ITFG1: variants seen among roughly 807,000 people sequenced by gnomAD.
The protein encoded by ITFG1 is T-cell immunomodulatory protein.
ITFG1 carries 34 observed loss-of-function variants against 81.8 expected under a neutral mutation model. That is an observed-to-expected ratio of 0.42 (90% confidence interval 0.32 to 0.55). ITFG1 has a LOEUF of 0.55. Among genes scored for constraint, ITFG1 ranks in the 20% least tolerant of loss-of-function variants. The pLI is 0.17. For synonymous variants in ITFG1, 285 were observed against 270.6 expected (o/e 1.05, Z -0.52); for missense variants, 672 against 755.4 (o/e 0.89, Z 1.29).
chr16:47,196,607 T>C (rs1965361627), intron 14 of ITFG1: 1 of 152,182 alleles, frequency 6.6e-6, no homozygotes, highest in Non-Finnish European at 1.5e-5. Flanking sequence ...TGCCCACGCT[T>C]TGCTGTACTC....
chr16:47,186,290 G>A (rs1009162825), intron 14 of ITFG1, among the ~76,000 whole-genome samples: 6 of 152,230 alleles, frequency 3.9e-5, no homozygotes, highest in East Asian at 1.9e-4. Context: ...CGCCAAAGCC[G>A]GGCAGAGACA....
intron 13 of ITFG1, among the ~76,000 whole-genome samples, chr16:47,230,396 G>GCTCA (rs1432160332): frequency 6.6e-6 from 1 of 152,166 alleles, no homozygotes; most frequent in Non-Finnish European, 1.5e-5. Context: ...AGGATACTGA[G>GCTCA]GTGAGGAATT....
chr16:47,274,984 C>T (rs1484852662), intron 10 of ITFG1, among the ~76,000 whole-genome samples: 3 of 152,062 alleles, frequency 2.0e-5, no homozygotes, highest in Admixed American at 6.6e-5. Flanking sequence ...ACTCTGTTCA[C>T]TATGGGAAGA....
At chr16:47,179,914 T>C (rs1471405000) in intron 14 of ITFG1, among the ~76,000 whole-genome samples, 1 of 152,232 alleles carries the variant, frequency 6.6e-6, no homozygotes, top group African/African-American at 2.4e-5. Context: ...TGAGTTATGA[T>C]TGTGAATAAA....
chr16:47,359,591 A>G (rs1968083590), intron 8 of ITFG1, among the ~76,000 whole-genome samples: 1 of 152,198 alleles, frequency 6.6e-6, no homozygotes, highest in Non-Finnish European at 1.5e-5. Context: ...AGTCCCCTTG[A>G]AGTTTCCAGT....
intron 6 of ITFG1, among the ~76,000 whole-genome samples, chr16:47,415,145 A>G (rs1018114759): frequency 6.6e-6 from 1 of 152,234 alleles, no homozygotes; most frequent in Non-Finnish European, 1.5e-5. Flanking sequence ...CTCATGATAC[A>G]TATATTCCAT....
chr16:47,252,469 C>T (rs995042444), intron 12 of ITFG1, among the ~76,000 whole-genome samples: 1 of 152,148 alleles, frequency 6.6e-6, no homozygotes, highest in African/African-American at 2.4e-5. Context: ...AGGGTTCATC[C>T]AGGTTTGTTA....
At chr16:47,408,200 G>T (rs1968753819) in intron 6 of ITFG1, among the ~76,000 whole-genome samples, 2 of 152,186 alleles carry the variant, frequency 1.3e-5, no homozygotes, top group Admixed American at 1.3e-4. Context: ...CTAGCACAAT[G>T]CTTGGAAGAG....
chr16:47,200,136 T>C (rs1392986531), intron 14 of ITFG1, among the ~76,000 whole-genome samples: 1 of 152,222 alleles, frequency 6.6e-6, no homozygotes, highest in Non-Finnish European at 1.5e-5. Flanking sequence ...CCCTGGGCTA[T>C]ACCATCTAGT....
At chr16:47,242,728 A>G (rs2151535720) in intron 12 of ITFG1, among the ~76,000 whole-genome samples, 1 of 152,334 alleles carries the variant, frequency 6.6e-6, no homozygotes, top group Non-Finnish European at 1.5e-5. Flanking sequence ...TGTAGGTCGA[A>G]GTAGAAAATT....
intron 14 of ITFG1, among the ~76,000 whole-genome samples, chr16:47,195,168 T>C (rs1199943514): frequency 6.6e-6 from 1 of 152,236 alleles, no homozygotes; most frequent in Admixed American, 6.5e-5. Context: ...CTTACCCTTA[T>C]TTAACCTCAT....
chr16:47,292,440 G>C lies in ITFG1; in HGVS notation c.1070+18800C>G, dbSNP rs374656633. 1.3e-4 allele frequency among the ~76,000 whole-genome samples: 20 copies of C among 152,284 alleles called. No homozygotes were observed. In the South Asian group the frequency reaches 4.1e-3, roughly 32 times the overall value. On this transcript the variant is annotated intron_variant, in intron 10 of 17. Transcript: ENST00000320640. ...AAAGACTTTAGAGTTTCATTTTATT[G>C]TGCCAGTTGGGAATAGTGTGGTGAT...
chr16:47,223,339 G>A (rs1965716660), intron 13 of ITFG1, among the ~76,000 whole-genome samples: 1 of 152,112 alleles, frequency 6.6e-6, no homozygotes, highest in South Asian at 2.1e-4. Context: ...CTACTCATCT[G>A]ACAAAGGGCT....
chr16:47,270,601 A>G (rs1483289401), intron 10 of ITFG1, among the ~76,000 whole-genome samples: 2 of 152,238 alleles, frequency 1.3e-5, no homozygotes, highest in South Asian at 4.1e-4. Flanking sequence ...TAACTTGTAC[A>G]TGAATGTTCA....
chr16:47,236,218 G>A (rs544741828), intron 13 of ITFG1, among the ~76,000 whole-genome samples: 1 of 152,282 alleles, frequency 6.6e-6, no homozygotes, highest in African/African-American at 2.4e-5. Flanking sequence ...GCTCATGCCT[G>A]TAATCCCAGC....
intron 14 of ITFG1, among the ~76,000 whole-genome samples, chr16:47,176,917 G>A (rs1240135869): frequency 1.3e-5 from 2 of 149,854 alleles, no homozygotes; most frequent in African/African-American, 4.9e-5. Context: ...TAGTCTAATT[G>A]CATTGCTAAG....
At chr16:47,286,274 T>C (rs935970961) in intron 10 of ITFG1, among the ~76,000 whole-genome samples, 3 of 152,164 alleles carry the variant, frequency 2.0e-5, no homozygotes, top group African/African-American at 7.2e-5. Context: ...GCTGGGACTT[T>C]AACTGCCCCG....
intron 8 of ITFG1, chr16:47,365,477 C>T (rs1272546356): frequency 7.8e-6 from 2 of 256,226 alleles, no homozygotes; most frequent in African/African-American, 2.2e-5. Context: ...GTTGTATATA[C>T]GTGAAGAATT....
intron 5 of ITFG1, among the ~76,000 whole-genome samples, chr16:47,445,540 T>C (rs372672869): frequency 2.0e-5 from 3 of 152,176 alleles, no homozygotes; most frequent in African/African-American, 7.2e-5. Context: ...GGCTAGCACA[T>C]TGTGTTTTCA....
Sources: allele counts gnomAD v4.1 joint callset (sites outside exome capture counted in the v4.1 genomes callset), GRCh38; gene constraint gnomAD v4.1.1; transcripts MANE v1.5; gene names NCBI Gene and HGNC (gene_info 2026-07-23, HGNC 2026-07-21).